TCF3: variants seen among roughly 807,000 people sequenced by gnomAD.
TCF3 encodes the protein transcription factor 3, also known as transcription factor E2-alpha.
A neutral mutation model predicts 72.3 loss-of-function variants in TCF3; 54 were observed. The ratio of observed to expected loss-of-function variants is 0.75; its 90% CI spans 0.60 to 0.94. The LOEUF (loss-of-function observed/expected upper bound fraction) is 0.94, where lower values mean the gene tolerates loss of function less well. TCF3 is among the 40% of genes least tolerant of loss of function. The pLI, the probability that TCF3 is intolerant of heterozygous loss-of-function variation, is 0.00. For missense variants in TCF3, 1,078 were observed against 934.4 expected (o/e 1.15, Z -2.00); for synonymous variants, 525 against 412.6 (o/e 1.27, Z -3.30).
chr19:1,616,743 G>T (rs1355173526), intron 16 of TCF3: 2 of 152,188 alleles, frequency 1.3e-5, no homozygotes, highest in East Asian at 1.9e-4. Flanking sequence ...CTGCACTCTG[G>T]TGTGACAGGG....
intron 6 of TCF3, among the ~76,000 whole-genome samples, chr19:1,626,915 G>T (rs896915765): frequency 2.0e-5 from 3 of 152,032 alleles, no homozygotes; most frequent in Non-Finnish European, 1.5e-5. Context: ...GAACCCTGGG[G>T]GTGCCCAGCA....
At chr19:1,632,462 G>A in intron 3 of TCF3, 57 bp from the exon 4 acceptor site, 1 of 1,523,666 alleles carries the variant, frequency 6.6e-7, no homozygotes. Flanking sequence ...AGCTCTAAAA[G>A]CTTCGGTTCA....
intron 7 of TCF3, among the ~76,000 whole-genome samples, chr19:1,625,340 C>T (rs2062753041): frequency 1.3e-5 from 2 of 152,256 alleles, no homozygotes; most frequent in Admixed American, 1.3e-4. Context: ...GCTGCAGGAA[C>T]CTCGGGACCA....
chr19:1,612,483 G>T (rs1460059946), intron 18 of TCF3: 4 of 1,519,044 alleles, frequency 2.6e-6, no homozygotes, highest in Non-Finnish European at 3.6e-6. Flanking sequence ...AGGCTGGGTG[G>T]GAGGGCAGGG....
At chr19:1,635,549 C>A (rs2064280685) in intron 3 of TCF3, among the ~76,000 whole-genome samples, 1 of 152,028 alleles carries the variant, frequency 6.6e-6, no homozygotes, top group Non-Finnish European at 1.5e-5. Flanking sequence ...CCCTCTTTGT[C>A]TGCAGCACTG....
rs532604179 is a variant in TCF3 at position 1,630,410 on chromosome 19, G to A, written c.298+1628C>T. ...TCTACTGTACTCCAAGTTCGAGGCCGGGCAAAGCGAGACAGGACCGTCCCT... is the reference window on the plus strand; with the variant it reads ...TCTACTGTACTCCAAGTTCGAGGCCAGGCAAAGCGAGACAGGACCGTCCCT... On this transcript the variant is annotated intron_variant, in intron 5 of 18. Transcript: ENST00000262965. 7.2e-5 allele frequency among the ~76,000 whole-genome samples: 11 copies of A among 152,310 alleles called. No individual in the cohort carries two copies. The East Asian group carries it at 9.6e-4, about 13-fold the overall frequency.
intron 6 of TCF3, among the ~76,000 whole-genome samples, chr19:1,626,443 C>T (rs960896528): frequency 9.3e-5 from 14 of 150,734 alleles, no homozygotes; most frequent in Non-Finnish European, 1.8e-4. Flanking sequence ...AGCGAAACTC[C>T]GTCTCAAAAA....
chr19:1,609,635 G>A lies in TCF3; in HGVS notation c.*2072C>T, dbSNP rs1334499921. The A allele has an allele frequency of 8.9e-6, 2 of 223,786 alleles. No individual in the cohort carries two copies. The highest frequency in any genetic ancestry group is 5.8e-5 in the Admixed American group (1 of 17,372). The allele number at this position is 223,786 out of a possible 1,614,324, so 13.9% of individuals were successfully genotyped here. ...GGCCAGGAGCAAAACAAGAGGGAGA[G>A]GCAAGTTCCCTTAAGAGATCAAACT... is the stretch of plus-strand genomic sequence containing the variant. On this transcript the variant is annotated 3_prime_UTR_variant, in exon 19 of 19. Transcript: ENST00000262965.
rs1033199504 is a variant in TCF3 at position 1,623,996 on chromosome 19, C to A, written c.504G>T (p.Thr168=). Residue 168 remains threonine, a synonymous_variant, in exon 8 of 19, where the codon ACG becomes ACT. Transcript: ENST00000262965. The stretch of plus-strand genomic sequence containing the variant: ...GGACCTTCCGGACCTTCTTGGGCTG[C>A]GTGTCTGTTAGAAGCAAAAGGGGTG... ...RRRAADGSLD[T]QPKKVRKVPP... 1 of 1,613,368 alleles carries A rather than the reference C, an allele frequency of 6.2e-7. No homozygotes were observed. Among genetic ancestry groups the A allele is most frequent in the East Asian group, 2.2e-5 (1 of 44,878 alleles).
chr19:1,616,037 A>C (rs2061517635), intron 16 of TCF3, among the ~76,000 whole-genome samples: 1 of 152,246 alleles, frequency 6.6e-6, no homozygotes, highest in Non-Finnish European at 1.5e-5. Context: ...ATGAAAGGGA[A>C]ACAGTTTTAC....
rs551563234 is a variant in TCF3 at position 1,612,615 on chromosome 19, TTGG to T, written c.1823-769_1823-767del. On this transcript the variant is annotated intron_variant, in intron 18 of 18. Transcript: ENST00000262965. ...CAGCAGTGCAGGTACATGGCTTACATTGGTGGGCACAGCAGTGTGGGTACACGG... is the reference window on the plus strand; with the variant it reads ...CAGCAGTGCAGGTACATGGCTTACATTGGGCACAGCAGTGTGGGTACACGG... Among the ~76,000 whole-genome samples the T allele has an allele frequency of 4.5e-3, 624 of 138,728 alleles. 2 individuals are homozygous for T. Among genetic ancestry groups the T allele is most frequent in the Non-Finnish European group, 7.4e-3 (481 of 64,670 alleles). 91.0% of individuals were successfully genotyped at this position (138,728 alleles called of 152,430 possible).
intron 1 of TCF3, chr19:1,651,288 TG>T (rs1234085233): frequency 3.1e-5 from 7 of 225,852 alleles, no homozygotes; most frequent in Non-Finnish European, 6.2e-5. Context: ...CCTCCGAGGC[TG>T]GGGGTGGGGA....
chr19:1,644,564 G>C (rs2065799163), intron 3 of TCF3, among the ~76,000 whole-genome samples: 1 of 152,222 alleles, frequency 6.6e-6, no homozygotes, highest in Non-Finnish European at 1.5e-5. Flanking sequence ...TGCAGCATTG[G>C]GGCAGGGCCG....
chr19:1,619,926 G>T, intron 13 of TCF3, 73 bp from the exon 14 acceptor site: 2 of 1,315,086 alleles, frequency 1.5e-6, no homozygotes, highest in Non-Finnish European at 2.1e-6. Context: ...CATGGGGAGG[G>T]ATTCATGAAC....
Position 1,622,335 on chromosome 19 carries a change from A to T in TCF3, c.630T>A (p.Tyr210Ter). 6.7e-7 allele frequency: 1 copy of T among 1,502,678 alleles called. No homozygotes were observed. The highest frequency in any genetic ancestry group is 8.9e-7 in the Non-Finnish European group (1 of 1,120,018). 93.1% of individuals were successfully genotyped at this position (1,502,678 alleles called of 1,614,324 possible). ...TACCTGCCACGTAGAAGGGGGCGGG[A>T]TAGGTGCTGCTGGGGGTCTTGGCGG... ...YPSAKTPSST[Y>*]PAPFYVADGS... Residue 210 changes from tyrosine (Y) to a stop codon, truncating the protein, a stop_gained, in exon 9 of 19, where the codon TAT (tyrosine) becomes TAA (stop). Transcript: ENST00000262965. LOFTEE classifies it high-confidence loss of function.
chr19:1,619,582 C>T (rs977530688), intron 14 of TCF3, 108 bp from the exon 15 acceptor site: 6 of 1,437,730 alleles, frequency 4.2e-6, no homozygotes, highest in East Asian at 2.4e-5. Context: ...TCTTCCCCTT[C>T]CCCAGGAAGC....
intron 18 of TCF3, chr19:1,612,567 G>A (rs1014417858): frequency 6.1e-6 from 5 of 825,730 alleles, no homozygotes; most frequent in Non-Finnish European, 9.5e-6. Context: ...CACGGCTGGT[G>A]TTGGTGGGCA....
intron 3 of TCF3, among the ~76,000 whole-genome samples, chr19:1,633,511 A>C (rs1259688170): frequency 1.3e-5 from 2 of 151,088 alleles, no homozygotes; most frequent in African/African-American, 2.4e-5. Flanking sequence ...TTCAAATCGC[A>C]TCCTTCTATT....
At chr19:1,638,606 A>G (rs1239810270) in intron 3 of TCF3, among the ~76,000 whole-genome samples, 2 of 152,158 alleles carry the variant, frequency 1.3e-5, no homozygotes, top group African/African-American at 4.8e-5. Context: ...TACAGGCTCA[A>G]TTTTCACCTT....
Sources: allele counts gnomAD v4.1 joint callset (sites outside exome capture counted in the v4.1 genomes callset), GRCh38; gene constraint gnomAD v4.1.1; transcripts MANE v1.5; gene names NCBI Gene and HGNC (gene_info 2026-07-23, HGNC 2026-07-21).